The following DNAJB6 variants were observed in gnomAD, a reference collection of about 807,000 sequenced individuals.
DNAJB6 encodes the protein DnaJ heat shock protein family (Hsp40) member B6, also known as dnaJ homolog subfamily B member 6.
A neutral mutation model predicts 42.7 loss-of-function variants in DNAJB6; 16 were observed. The observed-to-expected ratio is 0.37, with a 90% CI of 0.25 to 0.57. The LOEUF (loss-of-function observed/expected upper bound fraction) is 0.57, where lower values mean the gene tolerates loss of function less well. Ranked by LOEUF, DNAJB6 falls within the 20% of genes least tolerant of loss-of-function variation. DNAJB6 has a pLI of 0.74. For missense variants in DNAJB6, 347 were observed against 416.8 expected (o/e 0.83, Z 1.46); for synonymous variants, 170 against 163.5 (o/e 1.04, Z -0.30).
At chr7:157,340,787 G>T (rs933233761) in intron 1 of DNAJB6, among the ~76,000 whole-genome samples, 5 of 151,938 alleles carry the variant, frequency 3.3e-5, no homozygotes, top group Admixed American at 6.6e-5. Flanking sequence ...TCCTGCTTCA[G>T]CCTGCCAGGT....
rs28377945 is a variant in DNAJB6, at chr7:157,366,482, A to G, written c.176-20A>G. On this transcript the variant is annotated intron_variant, in intron 3 of 9. Transcript: ENST00000262177. ...GTTTAAAAGGAACTTGGCCTTACCG[A>G]CTTTTCTTTCAATTTTTAGCTAAGA... 0.04 allele frequency: 64,682 copies of G among 1,612,064 alleles called. 1,495 individuals are homozygous for G. The highest frequency in any genetic ancestry group is 0.079 in the African/African-American group (5,960 of 74,972).
intron 8 of DNAJB6, among the ~76,000 whole-genome samples, chr7:157,397,908 C>T (rs966539967): frequency 6.6e-6 from 1 of 152,230 alleles, no homozygotes; most frequent in South Asian, 2.1e-4. Context: ...CCCAGCTACT[C>T]GGAAGGCTGA....
intron 9 of DNAJB6, chr7:157,410,221 C>T (rs1048907014): frequency 1.2e-4 from 142 of 1,146,726 alleles, no homozygotes; most frequent in Non-Finnish European, 1.5e-4. Context: ...AAAACGGGGT[C>T]CGCGTGTCCT....
Position 157,416,255 on chromosome 7 carries a change from G to T in DNAJB6, c.*157G>T. On this transcript the variant is annotated 3_prime_UTR_variant, in exon 10 of 10. Transcript: ENST00000262177. Reference sequence around the variant, plus strand: ...TGCGATCACGGATCAGTCAGAGCAGGGTCAGGAGACGGGGCTGACGGCACG... The same window carrying T: ...TGCGATCACGGATCAGTCAGAGCAGTGTCAGGAGACGGGGCTGACGGCACG... The T allele has an allele frequency of 8.0e-7, 1 of 1,255,260 alleles. No individual in the cohort carries two copies. The highest frequency in any genetic ancestry group is 1.1e-6 in the Non-Finnish European group (1 of 916,948). 77.8% of individuals were successfully genotyped at this position (1,255,260 alleles called of 1,614,324 possible).
At chr7:157,364,639 T>G (rs1799760669) in intron 3 of DNAJB6, among the ~76,000 whole-genome samples, 1 of 152,124 alleles carries the variant, frequency 6.6e-6, no homozygotes. Context: ...CTTCGGTCCT[T>G]GTTGTTTGTG....
intron 8 of DNAJB6, among the ~76,000 whole-genome samples, chr7:157,406,249 C>T (rs1019631979): frequency 6.6e-6 from 1 of 152,244 alleles, no homozygotes; most frequent in Non-Finnish European, 1.5e-5. Context: ...AGCAGCAGCA[C>T]GCTGCGTGAC....
chr7:157,408,412 G>A (rs1407614802), intron 8 of DNAJB6, among the ~76,000 whole-genome samples: 1 of 152,236 alleles, frequency 6.6e-6, no homozygotes, highest in Non-Finnish European at 1.5e-5. Flanking sequence ...TGTGGGCGCC[G>A]TGCTGTGGCT....
chr7:157,351,154 G>A (rs549880641), intron 1 of DNAJB6, among the ~76,000 whole-genome samples: 7 of 151,854 alleles, frequency 4.6e-5, no homozygotes, highest in East Asian at 3.9e-4. Context: ...GGCTGGTCTC[G>A]AACTCTCTAC....
intron 2 of DNAJB6, among the ~76,000 whole-genome samples, chr7:157,362,499 T>A (rs931319369): frequency 1.3e-5 from 2 of 152,074 alleles, no homozygotes; most frequent in African/African-American, 4.8e-5. Context: ...CGCAGCCTCC[T>A]GAGTAGCTGG....
intron 1 of DNAJB6, among the ~76,000 whole-genome samples, chr7:157,348,875 C>T (rs1171551526): frequency 2.6e-5 from 4 of 152,140 alleles, no homozygotes; most frequent in Non-Finnish European, 2.9e-5. Context: ...CGTTATTTTG[C>T]CTGAGCATAC....
At chr7:157,386,200 T>C in intron 8 of DNAJB6, 1 of 971,852 alleles carries the variant, frequency 1.0e-6, no homozygotes, top group Non-Finnish European at 1.2e-6. Flanking sequence ...TTTAAATATG[T>C]AATGTTAAGC....
intron 1 of DNAJB6, among the ~76,000 whole-genome samples, chr7:157,340,981 T>TGTGTGTGTGTGTGTGC (rs1584870241): frequency 1.0e-5 from 1 of 100,312 alleles, no homozygotes; most frequent in East Asian, 3.6e-4. Flanking sequence ...TGTGTGTGTG[T>TGTGTGTGTGTGTGTGC]GTGTGTGTGT....
intron 8 of DNAJB6, among the ~76,000 whole-genome samples, chr7:157,400,282 G>C (rs941644370): frequency 2.0e-5 from 3 of 151,632 alleles, no homozygotes; most frequent in Non-Finnish European, 2.9e-5. Context: ...GGGATGCCCG[G>C]GTCCCCGCGC....
rs1374865859 is a variant in DNAJB6 at position 157,392,056 on chromosome 7, C to A, written c.691+6445C>A. Among the ~76,000 whole-genome samples, 3 of 143,772 alleles carry A rather than the reference C, an allele frequency of 2.1e-5. 1 individual carries two copies. The highest frequency in any genetic ancestry group is 7.3e-5 in the Admixed American group (1 of 13,694). The allele number at this position is 143,772 out of a possible 152,430, so 94.3% of individuals were successfully genotyped here. ...ATATGAGGCTGCAGTGAGCCGTGAT[C>A]GAGCCACTGCACTCCAACCTGGGCA... On this transcript the variant is annotated intron_variant, in intron 8 of 9. Coordinates refer to ENST00000262177, the MANE Select transcript of DNAJB6 (RefSeq NM_058246.4).
intron 8 of DNAJB6, among the ~76,000 whole-genome samples, chr7:157,387,672 T>G (rs111611039): frequency 5.9e-5 from 9 of 152,320 alleles, no homozygotes; most frequent in Non-Finnish European, 1.2e-4. Context: ...CACATTTGGT[T>G]GTTCTAGACT....
chr7:157,391,102 CT>C (rs1239100096), intron 8 of DNAJB6, among the ~76,000 whole-genome samples: 1 of 152,182 alleles, frequency 6.6e-6, no homozygotes, highest in African/African-American at 2.4e-5. Context: ...TCCCAGAGTG[CT>C]GGGATCACAG....
At chr7:157,393,843 C>T (rs1467689327) in intron 8 of DNAJB6, among the ~76,000 whole-genome samples, 1 of 140,578 alleles carries the variant, frequency 7.1e-6, no homozygotes, top group African/African-American at 2.8e-5. Flanking sequence ...TGGGAACATT[C>T]AGAGCCTCTC....
At chr7:157,374,449 G>A (rs1800371155) in intron 5 of DNAJB6, among the ~76,000 whole-genome samples, 1 of 152,106 alleles carries the variant, frequency 6.6e-6, no homozygotes, top group Admixed American at 6.6e-5. Context: ...ATGAGAGACA[G>A]GGTTTCTTCA....
intron 2 of DNAJB6, among the ~76,000 whole-genome samples, chr7:157,361,555 T>C (rs755173289): frequency 1.6e-4 from 24 of 152,202 alleles, no homozygotes; most frequent in Non-Finnish European, 8.8e-5. Context: ...CAAGGTTTTG[T>C]TGAACATGTT....
Sources: gnomAD v4.1 joint callset for allele counts (sites outside exome capture counted in the v4.1 genomes callset) on GRCh38, gnomAD v4.1.1 for gene constraint, MANE v1.5 for transcripts, NCBI Gene and HGNC (gene_info 2026-07-23, HGNC 2026-07-21) for gene names.